Variants in OXNAD1 observed in about 807,000 individuals in gnomAD.
OXNAD1 encodes oxidoreductase NAD-binding domain-containing protein 1.
A neutral mutation model predicts 32.9 loss-of-function variants in OXNAD1; 34 were observed. The observed-to-expected ratio is 1.03, with a 90% CI of 0.79 to 1.38. OXNAD1 has a LOEUF of 1.38. Ranked by LOEUF, OXNAD1 falls within the 40% of genes most tolerant of loss-of-function variation. The pLI is 0.00. For synonymous variants in OXNAD1, 134 were observed against 135.2 expected, an observed-to-expected ratio of 0.99 and a Z score of 0.06; for missense variants, 407 against 379.4, an observed-to-expected ratio of 1.07 and a Z score of -0.60.
At chr3:16,350,073 G>A (rs1260838755) in exon 10 of OXNAD1, 3 of 152,180 alleles carry the variant, frequency 2.0e-5, no homozygotes, top group Admixed American at 2.0e-4. Flanking sequence ...ATCTAGATTG[G>A]TGTTTGATCA....
At position 16,345,838 on chromosome 3, in the gene OXNAD1, G is replaced by GCA. The variant is rs1453466089; in HGVS notation, c.*31-3337_*31-3336insAC. ...TGTGTGCGCGCGCGCGTGCGCGCAC[G>GCA]CGCACATGTGCATGTGTATGTGTAT... is the stretch of plus-strand genomic sequence containing the variant. On this transcript the variant is annotated intron_variant, in intron 9 of 9. Transcript: ENST00000606098. This position sits in a 1 kb window ranked among gnomAD's most constrained non-coding sequence, Gnocchi z 5.2. Among the ~76,000 whole-genome samples the GCA allele has an allele frequency of 9.0e-5, 6 of 66,582 alleles. No homozygotes were observed. The highest frequency in any genetic ancestry group is 5.1e-4 in the African/African-American group (6 of 11,678). The allele number at this position is 66,582 out of a possible 152,430, so 43.7% of individuals were successfully genotyped here.
intron 4 of OXNAD1, among the ~76,000 whole-genome samples, chr3:16,285,135 G>A (rs1170444592): frequency 6.6e-6 from 1 of 152,190 alleles, no homozygotes; most frequent in Admixed American, 6.5e-5. Context: ...TAGGTATTTT[G>A]CAGGAGGGAG....
At position 16,301,157 on chromosome 3, in the gene OXNAD1, G is replaced by A. The variant is rs900789528; in HGVS notation, c.433-469G>A. On this transcript the variant is annotated intron_variant, in intron 6 of 8. Coordinates refer to ENST00000285083, the MANE Select transcript of OXNAD1 (RefSeq NM_138381.5). This position sits in a 1 kb window ranked among gnomAD's most constrained non-coding sequence, Gnocchi z 4.1. The stretch of plus-strand genomic sequence containing the variant: ...CTGGCTGTGCCTTACTGAGGATCAA[G>A]AAGGAGCACCAGTACTTACACTTTT... Among the ~76,000 whole-genome samples, 2 of 152,210 alleles carry A rather than the reference G, an allele frequency of 1.3e-5. No homozygotes were observed. Among genetic ancestry groups the A allele is most frequent in the Admixed American group, 1.3e-4 (2 of 15,286 alleles).
At position 16,345,788 on chromosome 3, in the gene OXNAD1, CTGTGTGTGTGTG is replaced by C. The variant is rs370820242; in HGVS notation, c.*31-3369_*31-3358del. On this transcript the variant is annotated intron_variant, in intron 9 of 9. Coordinates refer to the OXNAD1 transcript ENST00000606098. This position sits in a 1 kb window ranked among gnomAD's most constrained non-coding sequence, Gnocchi z 5.2. ...TGAGCCAAAACCTTATAATAAATCT[CTGTGTGTGTGTG>C]TGTGTGTGTGTGTGTGTGCGCGCGC... 5.5e-5 allele frequency among the ~76,000 whole-genome samples: 7 copies of C among 127,174 alleles called. No individual in the cohort carries two copies. The highest frequency in any genetic ancestry group is 4.4e-4 in the East Asian group (2 of 4,542). The allele number at this position is 127,174 out of a possible 152,430, so 83.4% of individuals were successfully genotyped here.
chr3:16,337,513 G>A (rs1456460599), downstream of OXNAD1, among the ~76,000 whole-genome samples: 1 of 152,100 alleles, frequency 6.6e-6, no homozygotes, highest in African/African-American at 2.4e-5. This position sits in a 1 kb window ranked among gnomAD's most constrained non-coding sequence, Gnocchi z 5.0. Flanking sequence ...GGAGGCAGAG[G>A]TGGGTGGATC....
downstream of OXNAD1, among the ~76,000 whole-genome samples, chr3:16,307,817 T>C (rs549085202): frequency 4.5e-4 from 68 of 152,140 alleles, no homozygotes; most frequent in Non-Finnish European, 8.7e-4. Flanking sequence ...TCATCCAGCT[T>C]TCCCAAATGT....
At chr3:16,339,192 A>T (rs1257412531), downstream of OXNAD1, 1 of 152,224 alleles carries the variant, frequency 6.6e-6, no homozygotes, top group African/African-American at 2.4e-5. Flanking sequence ...CCACATTCTC[A>T]AGCCATGCTG....
rs1024720815 is a variant in OXNAD1, at chr3:16,277,628, G to A, written c.183+5906G>A. 6.6e-6 allele frequency among the ~76,000 whole-genome samples: 1 copy of A among 152,220 alleles called. No individual in the cohort carries two copies. Among genetic ancestry groups the A allele is most frequent in the African/African-American group, 2.4e-5 (1 of 41,464 alleles). ...ACATGTCTCTCAGTGACGAAAGGAA[G>A]CTCCAGCTCAGAATTCCTAGCTAAA... On this transcript the variant is annotated intron_variant, in intron 4 of 8. Coordinates refer to ENST00000285083, the MANE Select transcript of OXNAD1 (RefSeq NM_138381.5). The surrounding 1 kb of genome is among the most constrained non-coding windows in gnomAD (Gnocchi z 4.3).
rs942009045 is a variant in OXNAD1, at chr3:16,345,620, C to G, written c.*31-3556C>G. Among the ~76,000 whole-genome samples the G allele has an allele frequency of 2.6e-5, 4 of 152,074 alleles. No individual in the cohort carries two copies. Among genetic ancestry groups the G allele is most frequent in the African/African-American group, 2.4e-5 (1 of 41,406 alleles). On this transcript the variant is annotated intron_variant, in intron 9 of 9. Coordinates refer to the OXNAD1 transcript ENST00000606098. The surrounding 1 kb of genome is among the most constrained non-coding windows in gnomAD (Gnocchi z 5.2). The stretch of plus-strand genomic sequence containing the variant: ...ACGTCCATCTTCTGCCCTTGTTGCT[C>G]CTGGTTCTCAGGGCTTGGGACCTGG...
At chr3:16,332,335 G>A (rs1002756100) in intron 9 of OXNAD1, among the ~76,000 whole-genome samples, 2 of 87,350 alleles carry the variant, frequency 2.3e-5, no homozygotes, top group Non-Finnish European at 4.9e-5. Context: ...CCTTCATTTT[G>A]TCTTCCAACT....
At chr3:16,310,991 C>CG (rs1211565685), downstream of OXNAD1, among the ~76,000 whole-genome samples, 1 of 57,546 alleles carries the variant, frequency 1.7e-5, no homozygotes, top group African/African-American at 9.2e-5. Context: ...ACTCAGTCTC[C>CG]AAAAAAAAAA....
downstream of OXNAD1, among the ~76,000 whole-genome samples, chr3:16,338,130 C>G (rs1379000021): frequency 6.6e-6 from 1 of 152,206 alleles, no homozygotes; most frequent in Non-Finnish European, 1.5e-5. The surrounding 1 kb of genome is among the most constrained non-coding windows in gnomAD (Gnocchi z 5.3). Flanking sequence ...TGATCTGGTC[C>G]TGGTACATGC....
In OXNAD1 at chr3:16,286,532, G is replaced by A. The variant is rs374723779; in HGVS notation, c.290+84G>A. On this transcript the variant is annotated intron_variant, in intron 5 of 8. Transcript: ENST00000285083. ...GGTATTATTTTTTCTCCTGGAAAAG[G>A]CTAGCCATTCCCTTGAGGAAGAGGA... The A allele has an allele frequency of 5.8e-4, 647 of 1,115,984 alleles. 3 individuals are homozygous for A. Among genetic ancestry groups the A allele is most frequent in the Non-Finnish European group, 7.9e-4 (587 of 745,672 alleles). 69.1% of individuals were successfully genotyped at this position (1,115,984 alleles called of 1,614,324 possible).
At position 16,280,906 on chromosome 3, in the gene OXNAD1, A is replaced by G. The variant is rs2065692367; in HGVS notation, c.184-5436A>G. On this transcript the variant is annotated intron_variant, in intron 4 of 8. Transcript: ENST00000285083. This position sits in a 1 kb window ranked among gnomAD's most constrained non-coding sequence, Gnocchi z 4.5. Reference sequence around the variant, plus strand: ...ACTGGAAAAGCATAAATGTTGTTTTATGGAAAACTTCATTTCCTGCCATGT... The same window carrying G: ...ACTGGAAAAGCATAAATGTTGTTTTGTGGAAAACTTCATTTCCTGCCATGT... Among the ~76,000 whole-genome samples the G allele has an allele frequency of 6.6e-6, 1 of 152,236 alleles. No individual in the cohort carries two copies. Among genetic ancestry groups the G allele is most frequent in the Admixed American group, 6.5e-5 (1 of 15,280 alleles).
rs116965256 is a variant in OXNAD1 at position 16,317,186 on chromosome 3, C to T, written c.*30+13594C>T. 3 of 1,613,032 alleles carry T rather than the reference C, an allele frequency of 1.9e-6. No homozygotes were observed. Among genetic ancestry groups the T allele is most frequent in the Non-Finnish European group, 2.5e-6 (3 of 1,179,948 alleles). On this transcript the variant is annotated intron_variant, in intron 9 of 9. Transcript: ENST00000435829. This position sits in a 1 kb window ranked among gnomAD's most constrained non-coding sequence, Gnocchi z 4.3. ...GGCACTGAGTTTACCTTTTGATTTC[C>T]TCATCTGCCTGTTGTGCATTTCTTC...
chr3:16,313,051 CTTT>C (rs11325593), intron 9 of OXNAD1, among the ~76,000 whole-genome samples: 5 of 145,334 alleles, frequency 3.4e-5, no homozygotes, highest in South Asian at 2.2e-4. Flanking sequence ...CAAGATCCAT[CTTT>C]TTTTTTTTTT....
chr3:16,321,665 C>G lies in OXNAD1; in HGVS notation c.*31-15447C>G, dbSNP rs779719076. ...AGAACAAGTGCTCCACACCAGTCACCTACAGTCTTGGAATGAGGCAGGAAA... is the reference window on the plus strand; with the variant it reads ...AGAACAAGTGCTCCACACCAGTCACGTACAGTCTTGGAATGAGGCAGGAAA... On this transcript the variant is annotated intron_variant, in intron 9 of 9. Transcript: ENST00000435829. The surrounding 1 kb of genome is among the most constrained non-coding windows in gnomAD (Gnocchi z 4.8). Among the ~76,000 whole-genome samples, 1 of 152,058 alleles carries G rather than the reference C, an allele frequency of 6.6e-6. No homozygotes were observed. The highest frequency in any genetic ancestry group is 1.5e-5 in the Non-Finnish European group (1 of 68,000).
Position 16,322,876 on chromosome 3 carries a change from TCACA to T in OXNAD1, c.*31-14233_*31-14230del, listed in dbSNP as rs2069234245. On this transcript the variant is annotated intron_variant, in intron 9 of 9. Transcript: ENST00000435829. The surrounding 1 kb of genome is among the most constrained non-coding windows in gnomAD (Gnocchi z 6.2). ...AGGCTACAGCTAGCATCACCAGCTG[TCACA>T]CAGAGGCCTTTGGGTCTAGGCCTGT... Among the ~76,000 whole-genome samples the T allele has an allele frequency of 6.6e-6, 1 of 152,140 alleles. No homozygotes were observed. The highest frequency in any genetic ancestry group is 6.5e-5 in the Admixed American group (1 of 15,284).
intron 9 of OXNAD1, among the ~76,000 whole-genome samples, chr3:16,333,892 G>A (rs140899009): frequency 8.5e-5 from 13 of 152,202 alleles, no homozygotes; most frequent in South Asian, 6.2e-4. Flanking sequence ...CCAGCCGGGC[G>A]TGGTGGCTCA....
Sources: allele counts gnomAD v4.1 joint callset (sites outside exome capture counted in the v4.1 genomes callset), GRCh38; gene constraint gnomAD v4.1.1; non-coding constraint Gnocchi (gnomAD v3.1); transcripts MANE v1.5; gene names NCBI Gene and HGNC (gene_info 2026-07-23, HGNC 2026-07-21).